The following POLR3F variants were observed in gnomAD, a reference collection of about 807,000 sequenced individuals.
POLR3F encodes RNA polymerase III subunit F.
A neutral mutation model predicts 43.6 loss-of-function variants in POLR3F; 31 were observed. The ratio of observed to expected loss-of-function variants is 0.71; its 90% CI spans 0.53 to 0.96. The LOEUF (loss-of-function observed/expected upper bound fraction) is 0.96, where lower values mean the gene tolerates loss of function less well. Among genes scored for constraint, POLR3F ranks in the 40% least tolerant of loss-of-function variants. The pLI is 0.00. For synonymous variants in POLR3F, 114 were observed against 132.5 expected, an observed-to-expected ratio of 0.86 and a Z score of 0.96; for missense variants, 316 against 391.7, an observed-to-expected ratio of 0.81 and a Z score of 1.63.
chr20:18,480,366 T>C, intron 6 of POLR3F, 36 bp from the exon 7 acceptor site: 1 of 1,437,912 alleles, frequency 7.0e-7, no homozygotes. Context: ...CACACCAATA[T>C]TCTTATTTAC....
Position 18,483,864 on chromosome 20 carries a change from A to G in POLR3F, c.*306A>G. On this transcript the variant is annotated 3_prime_UTR_variant, in exon 9 of 9. Coordinates refer to ENST00000377603, the MANE Select transcript of POLR3F (RefSeq NM_006466.4). ...ATGGGTCAAGGAAAAAGATGCCAAC[A>G]TACCCGTATTTACCAAGTACTATGA... is the stretch of plus-strand genomic sequence containing the variant. The G allele has an allele frequency of 2.5e-6, 1 of 393,456 alleles. No homozygotes were observed. The highest frequency in any genetic ancestry group is 3.6e-5 in the East Asian group (1 of 27,432). The allele number at this position is 393,456 out of a possible 1,614,324, so 24.4% of individuals were successfully genotyped here.
intron 2 of POLR3F, chr20:18,469,427 T>G (rs1601249148): frequency 1.1e-5 from 2 of 176,180 alleles, no homozygotes; most frequent in South Asian, 1.3e-4. Flanking sequence ...CTTGGACTGG[T>G]ATCTACACCA....
rs1464872052 is a variant in POLR3F at position 18,480,089 on chromosome 20, G to C, written c.481G>C (p.Val161Leu). The C allele has an allele frequency of 6.2e-7, 1 of 1,610,298 alleles. No homozygotes were observed. ...MLYNLQPDRS[V>L]TGGAWYSDQD... ...CTATAACCTGCAGCCAGACCGGTCT[G>C]TGACTGGTGGAGCCTGGTACAGTGA... Residue 161 changes from valine to leucine, a missense_variant, in exon 6 of 9, where the codon GTG (valine) becomes CTG (leucine). Val to Leu is a conservative substitution (Grantham distance 32). Coordinates refer to ENST00000377603, the MANE Select transcript of POLR3F (RefSeq NM_006466.4).
chr20:18,480,563 T>C, intron 7 of POLR3F, 54 bp downstream of exon 7: 2 of 1,024,740 alleles, frequency 2.0e-6, no homozygotes, highest in African/African-American at 1.6e-5. Flanking sequence ...TCACATACAA[T>C]GTATTCCAAA....
At chr20:18,472,558 A>T (rs1226038572) in intron 2 of POLR3F, among the ~76,000 whole-genome samples, 1 of 151,724 alleles carries the variant, frequency 6.6e-6, no homozygotes, top group East Asian at 1.9e-4. Flanking sequence ...CTTTTTATTT[A>T]TATAAATTAT....
chr20:18,481,347 T>C (rs1429251700), intron 7 of POLR3F, among the ~76,000 whole-genome samples: 1 of 152,132 alleles, frequency 6.6e-6, no homozygotes, highest in Non-Finnish European at 1.5e-5. Flanking sequence ...GTTCAAGCCA[T>C]TCTCCTGCCT....
chr20:18,479,394 C>A (rs1461294187), intron 5 of POLR3F, among the ~76,000 whole-genome samples: 3 of 152,038 alleles, frequency 2.0e-5, no homozygotes, highest in African/African-American at 7.2e-5. Context: ...ACTCGGGAGG[C>A]TGAGGCAGGA....
chr20:18,476,255 A>G (rs574310467), intron 5 of POLR3F, among the ~76,000 whole-genome samples: 1 of 152,152 alleles, frequency 6.6e-6, no homozygotes, highest in Non-Finnish European at 1.5e-5. Context: ...TTTGTTTCCC[A>G]GCCTCTCTTT....
chr20:18,473,702 A>G (rs2148863123), intron 4 of POLR3F, among the ~76,000 whole-genome samples: 1 of 152,356 alleles, frequency 6.6e-6, no homozygotes, highest in East Asian at 1.9e-4. Context: ...ATTCTGAGTC[A>G]CATGAATGTA....
At chr20:18,481,850 G>T in intron 8 of POLR3F, 40 bp downstream of exon 8, 2 of 1,247,522 alleles carry the variant, frequency 1.6e-6, no homozygotes, top group South Asian at 1.3e-5. Context: ...GACTGCCCAC[G>T]GGTGCAAGTG....
rs753858573 is a variant in POLR3F at position 18,480,476 on chromosome 20, G to A, written c.648G>A (p.Val216=). The change falls in exon 7 of 9, where the codon GTG becomes GTA. Residue 216 remains valine (V), a synonymous_variant. Transcript: ENST00000377603. ...GTTCATTTGCCTCATCACATGAAGT[G>A]TGGAAATATATCTGCGAATTGGGAA... The part of the protein sequence containing the change: ...RNSSFASSHE[V]WKYICELGIS... The A allele has an allele frequency of 2.5e-6, 4 of 1,607,180 alleles. No homozygotes were observed. Among genetic ancestry groups the A allele is most frequent in the Non-Finnish European group, 3.4e-6 (4 of 1,173,870 alleles).
At chr20:18,470,103 T>C (rs543623143) in intron 2 of POLR3F, among the ~76,000 whole-genome samples, 1 of 152,376 alleles carries the variant, frequency 6.6e-6, no homozygotes, top group South Asian at 2.1e-4. Flanking sequence ...GTGGTGCCGA[T>C]GCTCTAAATC....
In POLR3F at chr20:18,480,474, G is replaced by A; in HGVS notation, c.646G>A (p.Val216Met). The A allele has an allele frequency of 1.2e-6, 2 of 1,608,266 alleles. No homozygotes were observed. The highest frequency in any genetic ancestry group is 8.5e-7 in the Non-Finnish European group (1 of 1,174,726). Residue 216 changes from valine to methionine, a missense_variant, in exon 7 of 9, where the codon GTG (valine) becomes ATG (methionine). Around this residue, in one of 3 missense-constraint regions of POLR3F, gnomAD observed 109 missense variants for 177.7 expected, o/e 0.61. Coordinates refer to ENST00000377603, the MANE Select transcript of POLR3F (RefSeq NM_006466.4). ...TAGTTCATTTGCCTCATCACATGAA[G>A]TGTGGAAATATATCTGCGAATTGGG... is the stretch of plus-strand genomic sequence containing the variant. ...RNSSFASSHE[V>M]WKYICELGIS...
At position 18,473,379 on chromosome 20, in the gene POLR3F, A is replaced by G; in HGVS notation, c.249-12A>G. 2 of 1,161,400 alleles carry G rather than the reference A, an allele frequency of 1.7e-6. No homozygotes were observed. The highest frequency in any genetic ancestry group is 1.2e-5 in the South Asian group (1 of 81,416). The allele number at this position is 1,161,400 out of a possible 1,614,324, so 71.9% of individuals were successfully genotyped here. The stretch of plus-strand genomic sequence containing the variant: ...GTCCTTACCTTACTAATTTTACTTT[A>G]TTCCACTACAGTAAAATGAAGGGAT... On this transcript the variant is annotated splice_polypyrimidine_tract_variant and intron_variant, in intron 3 of 8. Coordinates refer to ENST00000377603, the MANE Select transcript of POLR3F (RefSeq NM_006466.4).
intron 5 of POLR3F, among the ~76,000 whole-genome samples, chr20:18,478,149 A>G (rs1251392913): frequency 6.6e-6 from 1 of 152,124 alleles, no homozygotes; most frequent in African/African-American, 2.4e-5. Flanking sequence ...AACAAGGCCT[A>G]TTGGGAAATT....
chr20:18,469,152 A>G (rs564278487), intron 2 of POLR3F, 91 bp downstream of exon 2: 2 of 741,252 alleles, frequency 2.7e-6, no homozygotes, highest in East Asian at 2.5e-5. Context: ...TTTCATGTCA[A>G]CTTGACTAAG....
At chr20:18,474,370 G>A (rs146599341) in intron 4 of POLR3F, among the ~76,000 whole-genome samples, 167 of 152,014 alleles carry the variant, frequency 1.1e-3, no homozygotes, top group African/African-American at 3.8e-3. Flanking sequence ...ACTTGAGGAT[G>A]GCAGTTGACC....
chr20:18,467,726 T>G, intron 1 of POLR3F, 158 bp downstream of exon 1: 1 of 1,423,586 alleles, frequency 7.0e-7, no homozygotes, highest in Non-Finnish European at 9.4e-7. Context: ...TTCCTTCCCA[T>G]CCTGGGAGAG....
intron 5 of POLR3F, among the ~76,000 whole-genome samples, chr20:18,476,045 C>T (rs1249218562): frequency 1.3e-5 from 2 of 152,190 alleles, no homozygotes; most frequent in African/African-American, 4.8e-5. Context: ...TGTCAGTCCT[C>T]CTTCTACATC....
Sources: allele counts gnomAD v4.1 joint callset (sites outside exome capture counted in the v4.1 genomes callset), GRCh38; gene constraint gnomAD v4.1.1; regional missense constraint gnomAD v4.1.1; transcripts MANE v1.5; gene names NCBI Gene and HGNC (gene_info 2026-07-23, HGNC 2026-07-21).